Variants in SPATA21 observed in about 807,000 individuals in gnomAD.
SPATA21 encodes spermatogenesis associated 21, also known as spermatogenesis-associated protein 21.
In SPATA21, 47 loss-of-function variants were observed where a neutral mutation model predicts 54.8. That is an observed-to-expected ratio of 0.86 (90% CI 0.68 to 1.09). SPATA21 has a LOEUF of 1.09. Among genes scored for constraint, SPATA21 ranks in the 50% least tolerant of loss-of-function variants. The probability of loss-of-function intolerance (pLI) is 0.00; values close to 1 mark genes in which losing one functional copy is unlikely to be tolerated. For missense variants in SPATA21, 599 were observed against 596.4 expected (o/e 1.00, Z -0.05); for synonymous variants, 245 against 235.3 (o/e 1.04, Z -0.38).
At position 16,409,183 on chromosome 1, in the gene SPATA21, C is replaced by T; in HGVS notation, c.608G>A (p.Ser203Asn). 1 of 1,614,176 alleles carries T rather than the reference C, an allele frequency of 6.2e-7. No homozygotes were observed. The highest frequency in any genetic ancestry group is 8.5e-7 in the Non-Finnish European group (1 of 1,180,034). The change falls in exon 7 of 13, where the codon AGC (serine) becomes AAC (asparagine). Residue 203 changes from serine (S) to asparagine (N), a missense_variant. Physicochemically the swap from Ser to Asn is conservative, Grantham distance 46. Transcript: ENST00000335496. This position sits in a 1 kb window ranked among gnomAD's most constrained non-coding sequence, Gnocchi z 4.1. ...CCGGTTTTGATAAAGCTTTTGGAGG[C>T]TCTGCTCTTCCGGCTCCTGCCTGCA... ...AKARQEPEEQ[S>N]LQKLYQNREK...
chr1:16,431,715 A>C (rs938658976), intron 2 of SPATA21, among the ~76,000 whole-genome samples: 4 of 152,158 alleles, frequency 2.6e-5, no homozygotes, highest in Admixed American at 2.0e-4. Flanking sequence ...TGGCCTGTTG[A>C]ATCCCAAAAC....
At chr1:16,402,153 G>C (rs1039466136) in intron 10 of SPATA21, among the ~76,000 whole-genome samples, 2 of 152,008 alleles carry the variant, frequency 1.3e-5, no homozygotes, top group African/African-American at 4.8e-5. Context: ...CAGAAGTGTC[G>C]GGGAGTTAAG....
At chr1:16,431,035 G>C (rs2086444437) in intron 3 of SPATA21, among the ~76,000 whole-genome samples, 1 of 152,172 alleles carries the variant, frequency 6.6e-6, no homozygotes, top group Non-Finnish European at 1.5e-5. Context: ...TTAGCACATT[G>C]ATCTAGCCAT....
Position 16,411,789 on chromosome 1 carries a change from C to CA in SPATA21, c.145-1747dup, listed in dbSNP as rs1170429146. Among the ~76,000 whole-genome samples, 211 of 35,060 alleles carry CA rather than the reference C, an allele frequency of 6.0e-3. 1 individual carries two copies. Among genetic ancestry groups the CA allele is most frequent in the South Asian group, 0.02 (25 of 1,276 alleles). 23.0% of individuals were successfully genotyped at this position (35,060 alleles called of 152,430 possible). ...TGGGTGACAGAGCAAGACTCTGTCT[C>CA]AAAAAAAAAAAAAAAAAAACAAAAC... On this transcript the variant is annotated intron_variant, in intron 5 of 12. Transcript: ENST00000335496.
At chr1:16,399,049 A>C (rs1235788346) in intron 12 of SPATA21, among the ~76,000 whole-genome samples, 1 of 152,176 alleles carries the variant, frequency 6.6e-6, no homozygotes, top group Non-Finnish European at 1.5e-5. Flanking sequence ...GCCCAGGTGC[A>C]CAGTCTGCTA....
chr1:16,404,502 GA>G (rs2085564491), intron 8 of SPATA21, among the ~76,000 whole-genome samples: 1 of 151,898 alleles, frequency 6.6e-6, no homozygotes, highest in Non-Finnish European at 1.5e-5. Context: ...CCAAAAAAAG[GA>G]AAAAAAGAAA....
chr1:16,435,917 T>C (rs985824627), intron 1 of SPATA21, among the ~76,000 whole-genome samples: 2 of 152,208 alleles, frequency 1.3e-5, no homozygotes, highest in African/African-American at 4.8e-5. Context: ...CATTTTCACC[T>C]TTTTGTCTTT....
At chr1:16,404,854 C>T in intron 8 of SPATA21, 113 bp downstream of exon 8, 1 of 1,201,222 alleles carries the variant, frequency 8.3e-7, no homozygotes, top group African/African-American at 1.6e-5. Context: ...GACAGTAGAG[C>T]ATTAAACCAA....
chr1:16,404,651 AAAAAT>A (rs1382649591), intron 8 of SPATA21, among the ~76,000 whole-genome samples: 2 of 152,084 alleles, frequency 1.3e-5, no homozygotes, highest in African/African-American at 4.8e-5. Context: ...CATCTCTACA[AAAAAT>A]AAAAAGTTAG....
At chr1:16,424,226 T>TCACGA (rs1248760351) in intron 3 of SPATA21, among the ~76,000 whole-genome samples, 2,018 of 97,318 alleles carry the variant, frequency 0.021, 65 homozygotes, top group Middle Eastern at 0.038. Context: ...GGCAGGAGAA[T>TCACGA]GGCATGAACC....
intron 5 of SPATA21, among the ~76,000 whole-genome samples, chr1:16,415,794 G>A (rs974537223): frequency 1.6e-4 from 24 of 152,134 alleles, no homozygotes; most frequent in Admixed American, 1.3e-4. Flanking sequence ...TCCTGACCTT[G>A]TGATCCGCCC....
downstream of SPATA21, chr1:16,398,634 C>A: frequency 1.0e-6 from 1 of 1,000,724 alleles, no homozygotes; most frequent in Non-Finnish European, 1.5e-6. Flanking sequence ...TGGCAAGAGG[C>A]ACAGAGGCTG....
intron 5 of SPATA21, among the ~76,000 whole-genome samples, chr1:16,417,332 C>T (rs1014967199): frequency 2.0e-5 from 3 of 152,122 alleles, no homozygotes; most frequent in African/African-American, 7.2e-5. Context: ...GATCTTGGCT[C>T]ACTGCAGCCT....
In SPATA21 at chr1:16,398,669, C is replaced by A; in HGVS notation, c.*96G>T. The A allele has an allele frequency of 1.4e-6, 2 of 1,399,790 alleles. No individual in the cohort carries two copies. Among genetic ancestry groups the A allele is most frequent in the Non-Finnish European group, 1.0e-6 (1 of 994,826 alleles). 86.7% of individuals were successfully genotyped at this position (1,399,790 alleles called of 1,614,324 possible). On this transcript the variant is annotated 3_prime_UTR_variant, in exon 13 of 13. Transcript: ENST00000335496. ...GAAGTTATTGGTGTTTATTAGCTCACCAGGCCACAAAAGCAAATCCCAGCA... is the reference window on the plus strand; with the variant it reads ...GAAGTTATTGGTGTTTATTAGCTCAACAGGCCACAAAAGCAAATCCCAGCA...
At chr1:16,412,624 G>A (rs181369166) in intron 5 of SPATA21, among the ~76,000 whole-genome samples, 413 of 151,948 alleles carry the variant, frequency 2.7e-3, no homozygotes, top group African/African-American at 9.4e-3. Context: ...CACCATGCCC[G>A]GCTAATTTTT....
chr1:16,426,050 G>C (rs2086309110), intron 3 of SPATA21, among the ~76,000 whole-genome samples: 2 of 151,940 alleles, frequency 1.3e-5, no homozygotes, highest in South Asian at 2.1e-4. Flanking sequence ...ATCCAGCCTA[G>C]AATTTAAGTT....
At chr1:16,414,442 T>C (rs765414335) in intron 5 of SPATA21, among the ~76,000 whole-genome samples, 5 of 152,064 alleles carry the variant, frequency 3.3e-5, no homozygotes, top group Non-Finnish European at 5.9e-5. Context: ...CCATTCACCA[T>C]GAAATCCCCA....
chr1:16,399,207 A>C, intron 12 of SPATA21, 137 bp downstream of exon 12: 1 of 1,020,610 alleles, frequency 9.8e-7, no homozygotes, highest in Non-Finnish European at 1.4e-6. Flanking sequence ...TTCGCCTTTT[A>C]CCCTTTCTCC....
chr1:16,416,137 A>G lies in SPATA21; in HGVS notation c.144+5372T>C, dbSNP rs1246743451. Among the ~76,000 whole-genome samples the G allele has an allele frequency of 3.3e-5, 5 of 151,994 alleles. No individual in the cohort carries two copies. The East Asian group carries it at 9.6e-4, about 29-fold the overall frequency. ...CTGTGACTGTCACACCCATCCCTTC[A>G]TCCATCTGTGCCACAAGTGCAGTCA... On this transcript the variant is annotated intron_variant, in intron 5 of 12. Coordinates refer to ENST00000335496, the MANE Select transcript of SPATA21 (RefSeq NM_198546.1).
Sources: allele counts gnomAD v4.1 joint callset (sites outside exome capture counted in the v4.1 genomes callset), GRCh38; gene constraint gnomAD v4.1.1; non-coding constraint Gnocchi (gnomAD v3.1); transcripts MANE v1.5; gene names NCBI Gene and HGNC (gene_info 2026-07-23, HGNC 2026-07-21).